The following ACAN variants were observed in gnomAD, a reference collection of about 807,000 sequenced individuals.
ACAN encodes the protein aggrecan.
A neutral mutation model predicts 169.1 loss-of-function variants in ACAN; 47 were observed. The observed-to-expected ratio is 0.28, with a 90% CI of 0.22 to 0.35. The LOEUF is 0.35. Ranked by LOEUF, ACAN falls within the 10% of genes least tolerant of loss-of-function variation. ACAN has a pLI of 1.00. For synonymous variants in ACAN, 1,115 were observed against 1,112.2 expected (o/e 1.00, Z -0.05); for missense variants, 2,716 against 2,759.9 (o/e 0.98, Z 0.36).
At position 88,824,766 on chromosome 15, in the gene ACAN, C is replaced by T. The variant is rs186411264; in HGVS notation, c.-7-11434C>T. ...TGGTGGCACACACCTGTAATCCCAG[C>T]TACTTGGGAGGCTGACGCAGGAGAA... On this transcript the variant is annotated intron_variant, in intron 1 of 18. Coordinates refer to ENST00000560601, the MANE Select transcript of ACAN (RefSeq NM_001369268.1). Among the ~76,000 whole-genome samples the T allele has an allele frequency of 4.0e-3, 606 of 152,138 alleles. 3 individuals carry two copies. Among genetic ancestry groups the T allele is most frequent in the Non-Finnish European group, 6.4e-3 (437 of 68,012 alleles).
At chr15:88,827,986 A>T (rs1369431317) in intron 1 of ACAN, among the ~76,000 whole-genome samples, 2 of 152,106 alleles carry the variant, frequency 1.3e-5, no homozygotes, top group Non-Finnish European at 2.9e-5. Flanking sequence ...CCACCCATGC[A>T]CACATCCCTT....
Position 88,858,735 on chromosome 15 carries a change from T to G in ACAN, c.6150T>G (p.Ile2050Met). The G allele has an allele frequency of 6.2e-7, 1 of 1,613,926 alleles. No homozygotes were observed. Residue 2050 changes from isoleucine (I) to methionine (M), a missense_variant, in exon 12 of 19, where the codon ATT becomes ATG. Transcript: ENST00000560601. The surrounding 1 kb of genome is among the most constrained non-coding windows in gnomAD (Gnocchi z 4.0). ...TGGAGGGTGTTACTGAACCAACTAT[T>G]TCTCAGGAACTAGGCCAAAGGCCCC... ...EFVEGVTEPT[I>M]SQELGQRPPV...
chr15:88,822,445 C>A (rs1263225551), intron 1 of ACAN, among the ~76,000 whole-genome samples: 1 of 151,728 alleles, frequency 6.6e-6, no homozygotes, highest in Non-Finnish European at 1.5e-5. Context: ...CAAAGAGAAC[C>A]ATGATCCAAG....
At chr15:88,860,733 G>A (rs1897178152) in intron 13 of ACAN, among the ~76,000 whole-genome samples, 1 of 152,222 alleles carries the variant, frequency 6.6e-6, no homozygotes, top group African/African-American at 2.4e-5. Flanking sequence ...TTTTGGAGAT[G>A]AGACTTCAAA....
chr15:88,830,045 G>A (rs137862732), intron 1 of ACAN, among the ~76,000 whole-genome samples: 1 of 150,458 alleles, frequency 6.6e-6, no homozygotes, highest in Non-Finnish European at 1.5e-5. Flanking sequence ...AGGCCTGCAG[G>A]ATCTGGGAGA....
chr15:88,811,546 T>A (rs2141492378), intron 1 of ACAN, among the ~76,000 whole-genome samples: 1 of 152,338 alleles, frequency 6.6e-6, no homozygotes, highest in South Asian at 2.1e-4. Flanking sequence ...TTCCTTTTTC[T>A]GTGGATTAGA....
chr15:88,857,850 T>C lies in ACAN; in HGVS notation c.5265T>C (p.Leu1755=). Residue 1755 remains leucine (L), a synonymous_variant, in exon 12 of 19, where the codon CTT becomes CTC. Transcript: ENST00000560601. The stretch of plus-strand genomic sequence containing the variant: ...GGGAAACATCTGGAGTGACTGAGCT[T>C]AGCGGGCTGTCCTCTGGACAACCAG... ...TSGETSGVTE[L]SGLSSGQPGI... The C allele has an allele frequency of 6.2e-7, 1 of 1,613,642 alleles. No homozygotes were observed. Among genetic ancestry groups the C allele is most frequent in the Non-Finnish European group, 8.5e-7 (1 of 1,179,780 alleles).
intron 2 of ACAN, among the ~76,000 whole-genome samples, chr15:88,837,910 G>A (rs1248091088): frequency 7.5e-6 from 1 of 132,840 alleles, no homozygotes; most frequent in Non-Finnish European, 1.6e-5. Context: ...TTGGAAAGCT[G>A]TTTTTTTTCT....
intron 1 of ACAN, among the ~76,000 whole-genome samples, chr15:88,809,659 A>T (rs1895770764): frequency 6.6e-6 from 1 of 152,166 alleles, no homozygotes; most frequent in Non-Finnish European, 1.5e-5. Context: ...AGATGCAGGG[A>T]CCTCTGGTTC....
chr15:88,836,272 T>G lies in ACAN; in HGVS notation c.66T>G (p.Thr22=), dbSNP rs1262596763. 4 of 1,613,314 alleles carry G rather than the reference T, an allele frequency of 2.5e-6. No homozygotes were observed. In the South Asian group the frequency reaches 4.4e-5, roughly 18 times the overall value. Residue 22 remains threonine, a synonymous_variant, in exon 2 of 19, where the codon ACT becomes ACG. Transcript: ENST00000560601. ...RVITAAVTVE[T]SDHDNSLSVS... ...TCACTGCAGCTGTCACTGTAGAAACTTCAGGTGAGGACATTCCTATACATG... is the reference window on the plus strand; with the variant it reads ...TCACTGCAGCTGTCACTGTAGAAACGTCAGGTGAGGACATTCCTATACATG...
chr15:88,808,833 AAG>A (rs986324713), intron 1 of ACAN, among the ~76,000 whole-genome samples: 1 of 152,174 alleles, frequency 6.6e-6, no homozygotes, highest in African/African-American at 2.4e-5. Context: ...GCAACTGGAA[AAG>A]AGGGGATAGG....
rs536790451 is a variant in ACAN, at chr15:88,841,013, T to C, written c.630-727T>C. ...ACAAAAAATTAGCCAGGCGTGGTGGTGGGCTCCTGTAGTCCCAGCTACTCG... is the reference window on the plus strand; with the variant it reads ...ACAAAAAATTAGCCAGGCGTGGTGGCGGGCTCCTGTAGTCCCAGCTACTCG... On this transcript the variant is annotated intron_variant, in intron 4 of 18. Coordinates refer to ENST00000560601, the MANE Select transcript of ACAN (RefSeq NM_001369268.1). 6.9e-3 allele frequency among the ~76,000 whole-genome samples: 1,045 copies of C among 152,166 alleles called. 6 individuals carry two copies. Among genetic ancestry groups the C allele is most frequent in the East Asian group, 0.041 (214 of 5,166 alleles).
intron 1 of ACAN, among the ~76,000 whole-genome samples, chr15:88,813,460 C>G (rs1050416276): frequency 1.3e-5 from 2 of 152,248 alleles, no homozygotes; most frequent in African/African-American, 2.4e-5. Flanking sequence ...TGGGCCAGCT[C>G]ATGTTCTGCC....
In ACAN at chr15:88,807,701, G is replaced by C. The variant is rs73463949; in HGVS notation, c.-8+3892G>C. ...TTGAATCCAGGGCAAGAACGGAAAC[G>C]GTGGAGTTTACTTTTAAAAACTCAG... is the stretch of plus-strand genomic sequence containing the variant. On this transcript the variant is annotated intron_variant, in intron 1 of 18. Coordinates refer to ENST00000560601, the MANE Select transcript of ACAN (RefSeq NM_001369268.1). This position sits in a 1 kb window ranked among gnomAD's most constrained non-coding sequence, Gnocchi z 4.0. Among the ~76,000 whole-genome samples, 1 of 151,790 alleles carries C rather than the reference G, an allele frequency of 6.6e-6. No homozygotes were observed. The highest frequency in any genetic ancestry group is 2.4e-5 in the African/African-American group (1 of 41,330).
rs1896602736 is a variant in ACAN, at chr15:88,839,814, A to G, written c.455-198A>G. Among the ~76,000 whole-genome samples the G allele has an allele frequency of 6.6e-6, 1 of 152,248 alleles. No homozygotes were observed. The highest frequency in any genetic ancestry group is 2.4e-5 in the African/African-American group (1 of 41,466). On this transcript the variant is annotated intron_variant, in intron 3 of 18. Coordinates refer to ENST00000560601, the MANE Select transcript of ACAN (RefSeq NM_001369268.1). This position sits in a 1 kb window ranked among gnomAD's most constrained non-coding sequence, Gnocchi z 4.5. ...TTTAAAAAGGAATGCCTTATAAAGT[A>G]GTGAGCTCCCCATTACAGGGTGTTC...
chr15:88,828,245 G>A (rs916751924), intron 1 of ACAN, among the ~76,000 whole-genome samples: 9 of 152,116 alleles, frequency 5.9e-5, no homozygotes, highest in Non-Finnish European at 1.3e-4. Flanking sequence ...AGCAAAAGAA[G>A]GGAGTGAAAG....
At position 88,858,415 on chromosome 15, in the gene ACAN, T is replaced by A; in HGVS notation, c.5830T>A (p.Ser1944Thr). The change falls in exon 12 of 19, where the codon TCT (serine) becomes ACT (threonine). Residue 1944 changes from serine to threonine, a missense_variant. Transcript: ENST00000560601. This position sits in a 1 kb window ranked among gnomAD's most constrained non-coding sequence, Gnocchi z 4.0. Reference protein sequence around the residue: ...VSLVDRTLVESVTQAPTAQEA... With the variant: ...VSLVDRTLVETVTQAPTAQEA... ...TCTTGTAGACAGAACTTTGGTGGAA[T>A]CTGTAACCCAGGCTCCAACAGCCCA... is the stretch of plus-strand genomic sequence containing the variant. 1 of 1,613,692 alleles carries A rather than the reference T, an allele frequency of 6.2e-7. No individual in the cohort carries two copies. Among genetic ancestry groups the A allele is most frequent in the South Asian group, 1.1e-5 (1 of 91,084 alleles).
chr15:88,874,647 CT>C lies in ACAN; in HGVS notation c.*167del. 1.4e-6 allele frequency: 1 copy of C among 732,488 alleles called. No homozygotes were observed. Among genetic ancestry groups the C allele is most frequent in the East Asian group, 2.7e-5 (1 of 36,550 alleles). 45.4% of individuals were successfully genotyped at this position (732,488 alleles called of 1,614,324 possible). A position where few individuals can be genotyped will look rare whatever the true frequency, so the allele number is the denominator to read the frequency against. ...CATTTGTGTATGCACCCACTCACCC[CT>C]CCAAATCAGCAAAACCGCATCTAAT... On this transcript the variant is annotated 3_prime_UTR_variant, in exon 19 of 19. Transcript: ENST00000560601. This position sits in a 1 kb window ranked among gnomAD's most constrained non-coding sequence, Gnocchi z 7.3.
In ACAN at chr15:88,851,932, C is replaced by A. The variant is rs768777515; in HGVS notation, c.2165C>A (p.Pro722His). The change falls in exon 11 of 19, where the codon CCC becomes CAC. Residue 722 changes from proline to histidine, a missense_variant. By Grantham distance (77) the Pro-to-His change is moderately conservative. Coordinates refer to ENST00000560601, the MANE Select transcript of ACAN (RefSeq NM_001369268.1). The surrounding 1 kb of genome is among the most constrained non-coding windows in gnomAD (Gnocchi z 4.3). ...GTAGAAGAGGAGACAACTGCTGTAC[C>A]CTCAGGGGAGACTACTGCCATCCTA... Reference protein sequence around the residue: ...VPVEEETTAVPSGETTAILEF... With the variant: ...VPVEEETTAVHSGETTAILEF... The A allele has an allele frequency of 3.1e-6, 5 of 1,612,764 alleles. No individual in the cohort carries two copies. The South Asian group carries it at 3.3e-5, about 11-fold the overall frequency.
Sources: allele counts gnomAD v4.1 joint callset (sites outside exome capture counted in the v4.1 genomes callset), GRCh38; gene constraint gnomAD v4.1.1; non-coding constraint Gnocchi (gnomAD v3.1); transcripts MANE v1.5; gene names NCBI Gene and HGNC (gene_info 2026-07-23, HGNC 2026-07-21).